USH2A: variants seen among roughly 807,000 people sequenced by gnomAD.
USH2A encodes the protein Usher syndrome 2A (autosomal recessive, mild).
USH2A carries 443 observed loss-of-function variants against 538.9 expected under a neutral mutation model. That is an observed-to-expected ratio of 0.82 (90% CI 0.76 to 0.89). The LOEUF (loss-of-function observed/expected upper bound fraction) is 0.89. Among genes scored for constraint, USH2A ranks in the 40% least tolerant of loss-of-function variants. The pLI, the probability that USH2A is intolerant of heterozygous loss-of-function variation, is 0.00. For missense variants in USH2A, 6,633 were observed against 6,324.8 expected (o/e 1.05, Z -1.65); for synonymous variants, 2,413 against 2,273.5 (o/e 1.06, Z -1.75).
At chr1:215,844,156 A>T (rs1382001576) in intron 46 of USH2A, 138 bp downstream of exon 46, 2 of 897,814 alleles carry the variant, frequency 2.2e-6, no homozygotes, top group African/African-American at 3.3e-5. Flanking sequence ...ATTCTGATCA[A>T]TTTCCCTTCT....
At chr1:215,868,338 A>G (rs1188606361) in intron 43 of USH2A, among the ~76,000 whole-genome samples, 1 of 152,144 alleles carries the variant, frequency 6.6e-6, no homozygotes, top group Non-Finnish European at 1.5e-5. Context: ...CCTGTTTCTT[A>G]TTCATAGCCC....
chr1:216,139,520 T>A (rs1352478248), intron 21 of USH2A, among the ~76,000 whole-genome samples: 2 of 152,182 alleles, frequency 1.3e-5, no homozygotes, highest in African/African-American at 4.8e-5. Context: ...CTGCTCAATA[T>A]GCTTGATGAT....
chr1:216,334,794 C>T (rs2037938010), intron 4 of USH2A, among the ~76,000 whole-genome samples: 1 of 151,878 alleles, frequency 6.6e-6, no homozygotes, highest in South Asian at 2.1e-4. Flanking sequence ...ATGTGTCTAA[C>T]AACAGTAAAA....
At chr1:215,670,602 A>G (rs946084358) in intron 64 of USH2A, among the ~76,000 whole-genome samples, 2 of 151,956 alleles carry the variant, frequency 1.3e-5, no homozygotes, top group Non-Finnish European at 2.9e-5. Flanking sequence ...TTGCTATTTG[A>G]TTTTATTTTG....
intron 10 of USH2A, among the ~76,000 whole-genome samples, chr1:216,290,944 A>C (rs577447050): frequency 6.6e-6 from 1 of 152,008 alleles, no homozygotes; most frequent in East Asian, 1.9e-4. Flanking sequence ...TCTTGGATCC[A>C]TTTCTCTCTA....
intron 58 of USH2A, among the ~76,000 whole-genome samples, chr1:215,749,879 T>C (rs747545567): frequency 1.3e-5 from 2 of 152,190 alleles, no homozygotes; most frequent in Admixed American, 6.5e-5. Context: ...CTTTTCATAA[T>C]TTACAACAAC....
At chr1:216,422,794 T>C (rs1308326079) in intron 1 of USH2A, among the ~76,000 whole-genome samples, 1 of 151,446 alleles carries the variant, frequency 6.6e-6, no homozygotes, top group Non-Finnish European at 1.5e-5. Context: ...TAAATATTTA[T>C]ATAATATATG....
chr1:216,007,382 G>A (rs1294494670), intron 32 of USH2A, among the ~76,000 whole-genome samples: 1 of 152,138 alleles, frequency 6.6e-6, no homozygotes, highest in Non-Finnish European at 1.5e-5. Flanking sequence ...TGGACAGAGT[G>A]ACTGAGGGAA....
chr1:216,148,832 T>A (rs1457613855), intron 21 of USH2A, among the ~76,000 whole-genome samples: 1 of 151,326 alleles, frequency 6.6e-6, no homozygotes, highest in African/African-American at 2.4e-5. Flanking sequence ...GCACCCTTAA[T>A]CCCAGCCTCT....
chr1:216,004,775 G>T (rs775873322), intron 32 of USH2A, among the ~76,000 whole-genome samples: 1 of 152,078 alleles, frequency 6.6e-6, no homozygotes, highest in Admixed American at 6.6e-5. Context: ...GTGGATGAAA[G>T]AGAAAAAAAT....
At chr1:216,317,921 A>G (rs2037539280) in intron 9 of USH2A, among the ~76,000 whole-genome samples, 1 of 152,136 alleles carries the variant, frequency 6.6e-6, no homozygotes, top group Non-Finnish European at 1.5e-5. Flanking sequence ...CTTGCAGAAA[A>G]TTAAATTAAA....
intron 21 of USH2A, among the ~76,000 whole-genome samples, chr1:216,156,412 T>G (rs1437954716): frequency 1.3e-5 from 2 of 151,578 alleles, no homozygotes; most frequent in East Asian, 3.9e-4. Flanking sequence ...TTTTCACATC[T>G]TATTTTTGGA....
Position 216,377,779 on chromosome 1 carries a change from AAAAG to A in USH2A, c.652-12698_652-12695del, listed in dbSNP as rs1234938757. 8.5e-5 allele frequency among the ~76,000 whole-genome samples: 8 copies of A among 94,444 alleles called. 1 individual carries two copies. Among genetic ancestry groups the A allele is most frequent in the African/African-American group, 1.7e-4 (5 of 28,868 alleles). The allele number at this position is 94,444 out of a possible 152,430, so 62.0% of individuals were successfully genotyped here. A position where few individuals can be genotyped will look rare whatever the true frequency, so the allele number is the denominator to read the frequency against. ...AGAAAGAAAGAGAAGGAAAGAAATA[AAAAG>A]AAAGAAAGAGAAGGAAAGAAATAAA... On this transcript the variant is annotated intron_variant, in intron 3 of 71. Coordinates refer to ENST00000307340, the MANE Select transcript of USH2A (RefSeq NM_206933.4).
intron 46 of USH2A, among the ~76,000 whole-genome samples, chr1:215,839,232 GTAATA>G (rs1663609989): frequency 6.6e-6 from 1 of 152,120 alleles, no homozygotes; most frequent in Non-Finnish European, 1.5e-5. Flanking sequence ...ATATAATGCT[GTAATA>G]TAATTAATGA....
At chr1:216,360,086 G>A (rs906934724) in intron 4 of USH2A, among the ~76,000 whole-genome samples, 2 of 152,056 alleles carry the variant, frequency 1.3e-5, no homozygotes, top group African/African-American at 4.8e-5. Flanking sequence ...GAAAACTTAT[G>A]TTCACACAAA....
In USH2A at chr1:215,878,828, G is replaced by T; in HGVS notation, c.8494C>A (p.Leu2832Ile). 1 of 1,613,996 alleles carries T rather than the reference G, an allele frequency of 6.2e-7. No individual in the cohort carries two copies. The highest frequency in any genetic ancestry group is 8.5e-7 in the Non-Finnish European group (1 of 1,179,944). The change falls in exon 42 of 72, where the codon CTA (leucine) becomes ATA (isoleucine). Residue 2832 changes from leucine (L) to isoleucine (I), a missense_variant. By Grantham distance (5) the Leu-to-Ile change is conservative (BLOSUM62 2). Transcript: ENST00000307340. ...GAAATCACAACATATGATTCACTTA[G>T]TGGAATCACAGACAATGGGCCAACA... ...QNVGPLSVIP[L>I]SESYVVISWQ...
intron 3 of USH2A, among the ~76,000 whole-genome samples, chr1:216,403,506 T>C (rs1000634135): frequency 6.6e-6 from 1 of 152,202 alleles, no homozygotes. Flanking sequence ...GATGTCATGA[T>C]TGTCTATGTA....
chr1:215,896,303 G>C (rs1427997786), intron 40 of USH2A, among the ~76,000 whole-genome samples: 1 of 151,494 alleles, frequency 6.6e-6, no homozygotes, highest in East Asian at 1.9e-4. Context: ...TCAAGTTTGG[G>C]GTTTTTTTTT....
intron 38 of USH2A, among the ~76,000 whole-genome samples, chr1:215,923,610 C>T (rs1666156206): frequency 6.6e-6 from 1 of 152,050 alleles, no homozygotes; most frequent in African/African-American, 2.4e-5. Flanking sequence ...GTCAACTTCA[C>T]ACACAGCGCA....
Sources: allele counts gnomAD v4.1 joint callset (sites outside exome capture counted in the v4.1 genomes callset), GRCh38; gene constraint gnomAD v4.1.1; transcripts MANE v1.5; gene names NCBI Gene and HGNC (gene_info 2026-07-23, HGNC 2026-07-21).